Variants in CHD1L observed in about 807,000 individuals in gnomAD.
The protein encoded by CHD1L is chromodomain helicase DNA binding protein 1 like, also known as ATP-dependent chromatin remodeler CHD1L.
Under a neutral mutation model 115.9 loss-of-function variants are expected in CHD1L, and 118 were observed. That is an observed-to-expected ratio of 1.02 (90% CI 0.88 to 1.19). The LOEUF is 1.19. Among genes scored for constraint, CHD1L ranks in the 50% most tolerant of loss-of-function variants. CHD1L has a pLI of 0.00. For synonymous variants in CHD1L, 411 were observed against 387.1 expected (o/e 1.06, Z -0.72); for missense variants, 1,179 against 1,065.3 (o/e 1.11, Z -1.49).
intron 10 of CHD1L, among the ~76,000 whole-genome samples, chr1:147,269,801 T>C (rs1553951535): frequency 1.3e-5 from 2 of 151,984 alleles, no homozygotes; most frequent in African/African-American, 2.4e-5. Flanking sequence ...TTCCCATGGG[T>C]TTCAAAATTA....
chr1:147,199,848 G>C, the CHD1L span, among the ~76,000 whole-genome samples: 1 of 151,938 alleles, frequency 6.6e-6, no homozygotes, highest in African/African-American at 2.4e-5. Flanking sequence ...TTTTTTCTCT[G>C]CAACTGTGAA....
At chr1:147,295,072 A>G (rs1315941270) in intron 22 of CHD1L, among the ~76,000 whole-genome samples, 1 of 152,218 alleles carries the variant, frequency 6.6e-6, no homozygotes, top group Non-Finnish European at 1.5e-5. Context: ...ATTGAGTCCC[A>G]AAATTACTAG....
At chr1:147,188,630 A>C in the CHD1L span, among the ~76,000 whole-genome samples, 2 of 151,786 alleles carry the variant, frequency 1.3e-5, no homozygotes, top group Admixed American at 6.6e-5. Context: ...CATATAAAAC[A>C]ATGTATACAC....
the CHD1L span, chr1:147,178,815 G>C: frequency 1.2e-6 from 2 of 1,604,902 alleles, no homozygotes; most frequent in East Asian, 2.2e-5. Flanking sequence ...AAATTAAAAA[G>C]TTTATCCAGG....
At chr1:147,219,566 T>G in the CHD1L span, among the ~76,000 whole-genome samples, 2 of 152,048 alleles carry the variant, frequency 1.3e-5, no homozygotes, top group Non-Finnish European at 2.9e-5. Context: ...CCCCTAAGAC[T>G]GGGAACAAGG....
the CHD1L span, among the ~76,000 whole-genome samples, chr1:147,236,597 G>C: frequency 2.0e-5 from 3 of 152,046 alleles, no homozygotes; most frequent in East Asian, 5.8e-4. Flanking sequence ...GGAGTGGGTA[G>C]CTCCTCTCTG....
chr1:147,291,470 G>A lies in CHD1L; in HGVS notation c.2321-12G>A. On this transcript the variant is annotated splice_polypyrimidine_tract_variant and intron_variant, in intron 19 of 22. Transcript: ENST00000369258. ...GGTGTTCTTTATGTTGCTCCTTTCT[G>A]TTTTACCTCAGACCTGAGTTTGGGA... 6.2e-7 allele frequency: 1 copy of A among 1,611,342 alleles called. No individual in the cohort carries two copies.
At chr1:147,287,785 A>T (rs1683822781) in intron 19 of CHD1L, 52 bp downstream of exon 19, 1 of 1,446,940 alleles carries the variant, frequency 6.9e-7, no homozygotes, top group Admixed American at 1.7e-5. Flanking sequence ...AGAGAAGAGG[A>T]CACCTAAGAC....
intron 6 of CHD1L, 86 bp downstream of exon 6, chr1:147,260,004 C>T (rs1553942990): frequency 9.7e-7 from 1 of 1,025,704 alleles, no homozygotes; most frequent in Admixed American, 2.1e-5. Flanking sequence ...AGATTCACAA[C>T]AAAATTGAAC....
chr1:147,292,129 C>T (rs587642892), intron 20 of CHD1L, among the ~76,000 whole-genome samples: 1 of 152,268 alleles, frequency 6.6e-6, no homozygotes, highest in South Asian at 2.1e-4. Flanking sequence ...ACGAGGATTT[C>T]TATTTGTCTT....
upstream of CHD1L, chr1:147,242,531 T>C: frequency 1.6e-6 from 1 of 614,758 alleles, no homozygotes. Context: ...AAGAACTGCC[T>C]GTCCGGAAGG....
intron 6 of CHD1L, among the ~76,000 whole-genome samples, chr1:147,263,353 C>T (rs769851453): frequency 1.2e-4 from 18 of 146,598 alleles, no homozygotes; most frequent in Non-Finnish European, 2.4e-4. Flanking sequence ...TCACTTGAAC[C>T]GGGAGGAGGA....
the CHD1L span, among the ~76,000 whole-genome samples, chr1:147,197,492 G>A: frequency 6.6e-6 from 1 of 152,016 alleles, no homozygotes; most frequent in Non-Finnish European, 1.5e-5. Context: ...TCATGGGAGG[G>A]GCCTGGTGGG....
intron 1 of CHD1L, chr1:147,243,105 G>C (rs1665338254): frequency 6.9e-6 from 2 of 288,228 alleles, no homozygotes; most frequent in East Asian, 1.2e-4. Context: ...GGGGAAACGT[G>C]GTGAGATCAG....
At chr1:147,274,221 A>G (rs961212004) in intron 12 of CHD1L, among the ~76,000 whole-genome samples, 12 of 152,298 alleles carry the variant, frequency 7.9e-5, no homozygotes, top group African/African-American at 2.6e-4. Flanking sequence ...GCAACTACTC[A>G]ACTTCCCGAC....
At chr1:147,269,544 CTGTAG>C (rs1675302846) in intron 10 of CHD1L, among the ~76,000 whole-genome samples, 1 of 151,762 alleles carries the variant, frequency 6.6e-6, no homozygotes, top group Non-Finnish European at 1.5e-5. Flanking sequence ...TGGCAGGCGC[CTGTAG>C]TCCCAGCTAC....
the CHD1L span, among the ~76,000 whole-genome samples, chr1:147,174,185 G>A: frequency 2.6e-5 from 4 of 151,936 alleles, no homozygotes; most frequent in East Asian, 7.7e-4. Context: ...AAAAAAAAAG[G>A]TACGATTTTA....
At chr1:147,275,633 C>G (rs1678109486) in intron 13 of CHD1L, among the ~76,000 whole-genome samples, 165 bp downstream of exon 13, 1 of 152,044 alleles carries the variant, frequency 6.6e-6, no homozygotes, top group Non-Finnish European at 1.5e-5. Context: ...GGGTGGGTCA[C>G]ATTATCAGTC....
chr1:147,232,154 G>T, the CHD1L span, among the ~76,000 whole-genome samples: 57 of 152,176 alleles, frequency 3.7e-4, no homozygotes, highest in Non-Finnish European at 7.5e-4. Flanking sequence ...CAAAGGAAAG[G>T]TGGCTGACAA....
Sources: allele counts gnomAD v4.1 joint callset (sites outside exome capture counted in the v4.1 genomes callset), GRCh38; gene constraint gnomAD v4.1.1; transcripts MANE v1.5; gene names NCBI Gene and HGNC (gene_info 2026-07-23, HGNC 2026-07-21).